The following ERBB4 variants were observed in gnomAD, a reference collection of about 807,000 sequenced individuals.
ERBB4 encodes erb-b2 receptor tyrosine kinase 4.
Under a neutral mutation model 158.0 loss-of-function variants are expected in ERBB4, and 42 were observed. That is an observed-to-expected ratio of 0.27 (90% CI 0.21 to 0.34). The LOEUF is 0.34. ERBB4 is among the 10% of genes least tolerant of loss of function. The probability of loss-of-function intolerance (pLI) is 1.00; values close to 1 mark genes in which losing one functional copy is unlikely to be tolerated. For missense variants in ERBB4, 1,333 were observed against 1,624.1 expected (o/e 0.82, Z 3.08); for synonymous variants, 583 against 558.7 (o/e 1.04, Z -0.61).
chr2:211,451,481 T>C (rs1446492676), intron 20 of ERBB4, among the ~76,000 whole-genome samples: 1 of 152,102 alleles, frequency 6.6e-6, no homozygotes, highest in Non-Finnish European at 1.5e-5. Context: ...TAGAAAGAAA[T>C]ATTATATAAG....
chr2:212,320,514 G>GAAAA (rs11382159), intron 1 of ERBB4, among the ~76,000 whole-genome samples: 1,498 of 141,736 alleles, frequency 0.011, 34 homozygotes, highest in African/African-American at 0.036. Flanking sequence ...TTACATGACA[G>GAAAA]AAAAAAAAAA....
At position 212,324,990 on chromosome 2, in the gene ERBB4, G is replaced by A. The variant is rs1266870867; in HGVS notation, c.83-200087C>T. ...CACACCCATATAAACCACTGCCCAG[G>A]CCAATAAGTAAAATATTACAAGCAA... On this transcript the variant is annotated intron_variant, in intron 1 of 27. Transcript: ENST00000342788. 1.5e-5 allele frequency among the ~76,000 whole-genome samples: 2 copies of A among 135,970 alleles called. 1 individual carries two copies. The highest frequency in any genetic ancestry group is 3.3e-5 in the Non-Finnish European group (2 of 60,514). 89.2% of individuals were successfully genotyped at this position (135,970 alleles called of 152,430 possible). A position where few individuals can be genotyped will look rare whatever the true frequency, so the allele number is the denominator to read the frequency against.
Position 211,382,820 on chromosome 2 carries a change from TTAAAG to T in ERBB4, c.*790_*794del. The stretch of plus-strand genomic sequence containing the variant: ...CTTTCTTATTTTAAAGATTGTATAC[TTAAAG>T]TAGTGGCCATTTCACTATATTAAAA... On this transcript the variant is annotated 3_prime_UTR_variant, in exon 28 of 28. Coordinates refer to ENST00000342788, the MANE Select transcript of ERBB4 (RefSeq NM_005235.3). 4.3e-6 allele frequency: 1 copy of T among 232,702 alleles called. No individual in the cohort carries two copies. Among genetic ancestry groups the T allele is most frequent in the Admixed American group, 5.6e-5 (1 of 17,786 alleles). The allele number at this position is 232,702 out of a possible 1,614,324, so 14.4% of individuals were successfully genotyped here. A position where few individuals can be genotyped will look rare whatever the true frequency, so the allele number is the denominator to read the frequency against.
At chr2:212,392,168 C>T (rs2090896165) in intron 1 of ERBB4, among the ~76,000 whole-genome samples, 2 of 151,816 alleles carry the variant, frequency 1.3e-5, no homozygotes, top group African/African-American at 4.8e-5. Context: ...TTCTCCTAAT[C>T]CATAAGACTA....
chr2:212,041,035 C>T (rs536771219), intron 2 of ERBB4, among the ~76,000 whole-genome samples: 2 of 152,134 alleles, frequency 1.3e-5, no homozygotes. Context: ...TGGTTCAAAT[C>T]CCAGTTCTAT....
intron 13 of ERBB4, among the ~76,000 whole-genome samples, chr2:211,677,987 T>A (rs929472695): frequency 6.6e-6 from 1 of 152,118 alleles, no homozygotes; most frequent in Non-Finnish European, 1.5e-5. Flanking sequence ...ATAACATTGA[T>A]GAAGGACAAG....
chr2:211,683,520 T>A (rs1237712834), intron 12 of ERBB4, among the ~76,000 whole-genome samples: 1 of 152,218 alleles, frequency 6.6e-6, no homozygotes, highest in Non-Finnish European at 1.5e-5. Context: ...ATTGTTTGTT[T>A]CTTTTTATTG....
Position 211,646,737 on chromosome 2 carries a change from T to G in ERBB4, c.1946+11017A>C, listed in dbSNP as rs543138042. ...TTAATGTCTCAGAACACATACAGGA[T>G]GCTGTTAGATTCTGATTATGTATTT... On this transcript the variant is annotated intron_variant, in intron 16 of 27. Transcript: ENST00000342788. 2.2e-3 allele frequency among the ~76,000 whole-genome samples: 333 copies of G among 151,760 alleles called. 2 individuals carry two copies. The highest frequency in any genetic ancestry group is 7.6e-3 in the African/African-American group (314 of 41,514).
intron 2 of ERBB4, among the ~76,000 whole-genome samples, chr2:212,043,033 T>C (rs1429371945): frequency 6.6e-6 from 1 of 152,168 alleles, no homozygotes; most frequent in Non-Finnish European, 1.5e-5. Context: ...TACAGTCTCA[T>C]ATGCAGAAAC....
chr2:211,613,522 A>G (rs899877758), intron 19 of ERBB4, among the ~76,000 whole-genome samples: 4 of 152,096 alleles, frequency 2.6e-5, no homozygotes, highest in Non-Finnish European at 5.9e-5. Flanking sequence ...CCATCTGACA[A>G]GGGTTTAATA....
chr2:211,599,036 G>T (rs1166048690), intron 19 of ERBB4, among the ~76,000 whole-genome samples: 2 of 152,140 alleles, frequency 1.3e-5, no homozygotes, highest in East Asian at 3.9e-4. Flanking sequence ...ATTGTTGTGA[G>T]ATTAAACAAG....
chr2:211,755,550 T>C (rs1177944352), intron 4 of ERBB4, among the ~76,000 whole-genome samples: 1 of 152,154 alleles, frequency 6.6e-6, no homozygotes. Context: ...TAAGTTCTGG[T>C]TACTCCCCAT....
At chr2:211,556,147 G>GA (rs1194409531) in intron 20 of ERBB4, among the ~76,000 whole-genome samples, 1 of 151,992 alleles carries the variant, frequency 6.6e-6, no homozygotes, top group Non-Finnish European at 1.5e-5. Flanking sequence ...TCTAATTTCA[G>GA]AAAAAATAGA....
At position 211,378,696 on chromosome 2, in the gene ERBB4, TGCCTG is replaced by T. The variant is rs2062523309; in HGVS notation, c.*4914_*4918del. On this transcript the variant is annotated 3_prime_UTR_variant, in exon 28 of 28. Coordinates refer to ENST00000342788, the MANE Select transcript of ERBB4 (RefSeq NM_005235.3). Reference sequence around the variant, plus strand: ...CACTGATAATGATCTTTTAAAATTATGCCTGATCTCATCTGTATAATATTTGTTCT... The same window carrying T: ...CACTGATAATGATCTTTTAAAATTATATCTCATCTGTATAATATTTGTTCT... The T allele has an allele frequency of 4.3e-6, 1 of 232,420 alleles. No homozygotes were observed. Among genetic ancestry groups the T allele is most frequent in the Non-Finnish European group, 8.5e-6 (1 of 117,298 alleles). 14.4% of individuals were successfully genotyped at this position (232,420 alleles called of 1,614,324 possible).
At chr2:212,071,696 T>C (rs1400583888) in intron 2 of ERBB4, among the ~76,000 whole-genome samples, 1 of 152,024 alleles carries the variant, frequency 6.6e-6, no homozygotes, top group Non-Finnish European at 1.5e-5. Flanking sequence ...TTGGTTTTTG[T>C]CATGACAGCA....
chr2:211,691,960 G>C lies in ERBB4; in HGVS notation c.1489+10007C>G, dbSNP rs139085018. Among the ~76,000 whole-genome samples, 300 of 152,270 alleles carry C rather than the reference G, an allele frequency of 2.0e-3. 4 individuals carry two copies. Among genetic ancestry groups the C allele is most frequent in the South Asian group, 0.013 (62 of 4,824 alleles). ...GTCGGAATCCGTTGAAAGGTTCTAA[G>C]CAGGAGAGTAAAGGACCTCCTATTT... is the stretch of plus-strand genomic sequence containing the variant. On this transcript the variant is annotated intron_variant, in intron 12 of 27. Coordinates refer to ENST00000342788, the MANE Select transcript of ERBB4 (RefSeq NM_005235.3).
chr2:212,375,238 T>C (rs1443843179), intron 1 of ERBB4, among the ~76,000 whole-genome samples: 1 of 152,088 alleles, frequency 6.6e-6, no homozygotes, highest in Non-Finnish European at 1.5e-5. Context: ...AGTTTAGGTA[T>C]GGTACTACCA....
At chr2:211,566,402 G>A (rs1277104672) in intron 19 of ERBB4, among the ~76,000 whole-genome samples, 1 of 152,176 alleles carries the variant, frequency 6.6e-6, no homozygotes, top group Non-Finnish European at 1.5e-5. Context: ...TATCTGCGGA[G>A]ACTGCTTGGG....
chr2:211,839,837 C>CA (rs1336219140), intron 3 of ERBB4, among the ~76,000 whole-genome samples: 1 of 151,990 alleles, frequency 6.6e-6, no homozygotes, highest in Non-Finnish European at 1.5e-5. Flanking sequence ...CTCCTATGTA[C>CA]AAAAAGACCT....
Sources: allele counts gnomAD v4.1 joint callset (sites outside exome capture counted in the v4.1 genomes callset), GRCh38; gene constraint gnomAD v4.1.1; transcripts MANE v1.5; gene names NCBI Gene and HGNC (gene_info 2026-07-23, HGNC 2026-07-21).